The following ACTN2 variants were observed in gnomAD, a reference collection of about 807,000 sequenced individuals.
ACTN2 encodes the protein actinin alpha 2.
ACTN2 carries 39 observed loss-of-function variants against 113.8 expected under a neutral mutation model. The ratio of observed to expected loss-of-function variants is 0.34; its 90% CI spans 0.27 to 0.45. The LOEUF (loss-of-function observed/expected upper bound fraction) is 0.45. ACTN2 is among the 20% of genes least tolerant of loss of function. The pLI, the probability that ACTN2 is intolerant of heterozygous loss-of-function variation, is 1.00. For missense variants in ACTN2, 992 were observed against 1,177.9 expected, an observed-to-expected ratio of 0.84 and a Z score of 2.31; for synonymous variants, 429 against 444.1, an observed-to-expected ratio of 0.97 and a Z score of 0.43.
In ACTN2 at chr1:236,763,599, A is replaced by C. The variant is rs1659770605; in HGVS notation, c.*980A>C. 6.6e-6 allele frequency: 1 copy of C among 152,270 alleles called. No homozygotes were observed. The highest frequency in any genetic ancestry group is 6.5e-5 in the Admixed American group (1 of 15,290). 9.4% of individuals were successfully genotyped at this position (152,270 alleles called of 1,614,324 possible). ...TTTTATGACCGGTTAAGGAGAAGCCAGAGTTAGAGTAGGAGAGGACTAATT... is the reference window on the plus strand; with the variant it reads ...TTTTATGACCGGTTAAGGAGAAGCCCGAGTTAGAGTAGGAGAGGACTAATT... On this transcript the variant is annotated 3_prime_UTR_variant, in exon 21 of 21. Transcript: ENST00000366578.
chr1:236,740,206 C>T (rs1427510608), intron 10 of ACTN2, among the ~76,000 whole-genome samples: 3 of 152,112 alleles, frequency 2.0e-5, no homozygotes, highest in African/African-American at 7.2e-5. Flanking sequence ...CTCCGCCTCC[C>T]GGGTTCAAGC....
chr1:236,717,872 G>T lies in ACTN2; in HGVS notation c.141G>T (p.Trp47Cys). 6.2e-7 allele frequency: 1 copy of T among 1,613,926 alleles called. No homozygotes were observed. The highest frequency in any genetic ancestry group is 8.5e-7 in the Non-Finnish European group (1 of 1,179,886). ...TTTCTTTGCAGACCTTCACTGCCTG[G>T]TGTAACTCCCACCTAAGGAAAGCCG... ...EKQQRKTFTA[W>C]CNSHLRKAGT... The change falls in exon 2 of 21, where the codon TGG becomes TGT. Residue 47 changes from tryptophan (W) to cysteine (C), a missense_variant. This residue lies in a region of ACTN2 where 220 missense variants were observed against 337.5 expected (regional missense o/e 0.65). Transcript: ENST00000366578.
intron 1 of ACTN2, among the ~76,000 whole-genome samples, chr1:236,713,587 C>T (rs1023732309): frequency 3.3e-5 from 5 of 151,218 alleles, no homozygotes; most frequent in South Asian, 2.1e-4. Flanking sequence ...AAAAAAAAGA[C>T]GTGTGTCTGT....
chr1:236,705,000 G>A (rs980097734), intron 1 of ACTN2, among the ~76,000 whole-genome samples: 7 of 152,112 alleles, frequency 4.6e-5, no homozygotes, highest in Non-Finnish European at 8.8e-5. Flanking sequence ...TCTTATGACC[G>A]ACAGTCAGAT....
intron 1 of ACTN2, among the ~76,000 whole-genome samples, chr1:236,693,175 ATG>A (rs1657329131): frequency 1.4e-5 from 1 of 72,140 alleles, no homozygotes; most frequent in Non-Finnish European, 2.9e-5. Context: ...ATCTGCACAC[ATG>A]CACACACACA....
rs772733279 is a variant in ACTN2, at chr1:236,761,063, C to T, written c.2416C>T (p.Gln806Ter). 2 of 1,614,182 alleles carry T rather than the reference C, an allele frequency of 1.2e-6. No homozygotes were observed. The highest frequency in any genetic ancestry group is 1.1e-5 in the South Asian group (1 of 91,082). The change falls in exon 20 of 21, where the codon CAA becomes TAA. Residue 806 changes from glutamine to a stop codon, truncating the protein, a stop_gained. Transcript: ENST00000366578. LOFTEE classifies it high-confidence loss of function. Reference protein sequence around the residue: ...RIMTLVDPNGQGTVTFQSFID... With the variant: ...RIMTLVDPNG ...TATGACCCTGGTAGATCCCAACGGG[C>T]AAGGCACCGTCACCTTCCAATCCTT...
intron 1 of ACTN2, among the ~76,000 whole-genome samples, chr1:236,698,611 G>A (rs1456204158): frequency 1.3e-5 from 2 of 152,084 alleles, no homozygotes; most frequent in Admixed American, 6.5e-5. Flanking sequence ...TTATTTTATT[G>A]CATATTTGGC....
rs1209777024 is a variant in ACTN2, at chr1:236,754,333, TTTTCTCACTAAAAA to T, written c.1974+254_1974+267del. ...GGGGGGTCTTGCTGGGTTCTGTTTA[TTTTCTCACTAAAAA>T]TGGTGACAGGGCTTTCTCCGTTTTT... On this transcript the variant is annotated intron_variant, in intron 16 of 20. Transcript: ENST00000366578. This position sits in a 1 kb window ranked among gnomAD's most constrained non-coding sequence, Gnocchi z 4.9. Among the ~76,000 whole-genome samples, 12 of 152,308 alleles carry T rather than the reference TTTTCTCACTAAAAA, an allele frequency of 7.9e-5. 1 individual carries two copies. The South Asian group carries it at 2.5e-3, about 32-fold the overall frequency.
At chr1:236,707,671 TTTTTCTTTTCTTTC>T (rs1185969203) in intron 1 of ACTN2, among the ~76,000 whole-genome samples, 53 of 57,066 alleles carry the variant, frequency 9.3e-4, no homozygotes, top group African/African-American at 1.9e-3. Context: ...TTTCTTTTCT[TTTTTCTTTTCTTTC>T]TTTTCTTTTC....
intron 20 of ACTN2, among the ~76,000 whole-genome samples, 193 bp from the exon 21 acceptor site, chr1:236,762,268 G>C (rs1448278516): frequency 6.6e-6 from 1 of 152,102 alleles, no homozygotes; most frequent in Non-Finnish European, 1.5e-5. Flanking sequence ...TGCTGGCCAG[G>C]CCGCTTCTAG....
intron 1 of ACTN2, among the ~76,000 whole-genome samples, chr1:236,701,909 C>A (rs1444642035): frequency 6.6e-6 from 1 of 152,162 alleles, no homozygotes; most frequent in Non-Finnish European, 1.5e-5. Flanking sequence ...GTAGGGCTGT[C>A]ACCATGGAGG....
intron 18 of ACTN2, among the ~76,000 whole-genome samples, chr1:236,757,911 G>A (rs1441160727): frequency 6.6e-6 from 1 of 152,164 alleles, no homozygotes; most frequent in Non-Finnish European, 1.5e-5. Flanking sequence ...AAGTCAAAGT[G>A]TATTCTTCAC....
intron 1 of ACTN2, among the ~76,000 whole-genome samples, chr1:236,699,537 C>T (rs1447147371): frequency 6.6e-6 from 1 of 152,114 alleles, no homozygotes; most frequent in African/African-American, 2.4e-5. Context: ...CCAAAAGAAG[C>T]CCGGATGCCT....
chr1:236,713,220 T>C (rs1301013327), intron 1 of ACTN2, among the ~76,000 whole-genome samples: 2 of 135,508 alleles, frequency 1.5e-5, no homozygotes, highest in African/African-American at 2.6e-5. Flanking sequence ...TATATTGTTC[T>C]TTTTTCTTTT....
At chr1:236,752,285 C>T (rs1363460092) in intron 15 of ACTN2, among the ~76,000 whole-genome samples, 1 of 152,016 alleles carries the variant, frequency 6.6e-6, no homozygotes, top group Non-Finnish European at 1.5e-5. Context: ...GGAATAAGTC[C>T]ACCACGTGGG....
intron 1 of ACTN2, among the ~76,000 whole-genome samples, chr1:236,687,597 C>G (rs373613102): frequency 6.6e-6 from 1 of 152,244 alleles, no homozygotes; most frequent in Non-Finnish European, 1.5e-5. Context: ...CTTAAGATAA[C>G]GGGGTTATGG....
At chr1:236,758,929 A>G (rs576174349) in intron 18 of ACTN2, among the ~76,000 whole-genome samples, 3 of 152,244 alleles carry the variant, frequency 2.0e-5, no homozygotes, top group South Asian at 2.1e-4. Flanking sequence ...CTACGTTCCA[A>G]TTCTTAAAGA....
At chr1:236,759,648 C>A in intron 18 of ACTN2, 76 bp from the exon 19 acceptor site, 1 of 1,275,484 alleles carries the variant, frequency 7.8e-7, no homozygotes. Context: ...CTTACCAGAT[C>A]TTTGTTCAGT....
intron 9 of ACTN2, 25 bp downstream of exon 9, chr1:236,737,239 T>C (rs371550643): frequency 1.1e-4 from 160 of 1,515,040 alleles, no homozygotes; most frequent in Non-Finnish European, 1.3e-4. Context: ...TGACCTGCAG[T>C]TCTGTCCATC....
Sources: gnomAD v4.1 joint callset for allele counts (sites outside exome capture counted in the v4.1 genomes callset) on GRCh38, gnomAD v4.1.1 for gene constraint, gnomAD v4.1.1 regional missense constraint, Gnocchi (gnomAD v3.1) non-coding constraint, MANE v1.5 for transcripts, NCBI Gene and HGNC (gene_info 2026-07-23, HGNC 2026-07-21) for gene names.